CYRIB: variants seen among roughly 807,000 people sequenced by gnomAD.
CYRIB encodes CYFIP related Rac1 interactor B.
Under a neutral mutation model 44.2 loss-of-function variants are expected in CYRIB, and 8 were observed. The ratio of observed to expected loss-of-function variants is 0.18; its 90% CI spans 0.11 to 0.33. CYRIB has a LOEUF of 0.33. Ranked by LOEUF, CYRIB falls within the 10% of genes least tolerant of loss-of-function variation. The pLI is 1.00. For synonymous variants in CYRIB, 131 were observed against 127.2 expected, an observed-to-expected ratio of 1.03 and a Z score of -0.20; for missense variants, 185 against 382.8, an observed-to-expected ratio of 0.48 and a Z score of 4.31.
chr8:129,950,961 A>T (rs1009327835), intron 2 of CYRIB, among the ~76,000 whole-genome samples: 1 of 152,210 alleles, frequency 6.6e-6, no homozygotes, highest in African/African-American at 2.4e-5. Flanking sequence ...CTCACCTCAG[A>T]AATGAAGGGT....
intron 2 of CYRIB, chr8:129,948,694 G>C (rs1392736133): frequency 6.6e-6 from 1 of 152,250 alleles, no homozygotes; most frequent in African/African-American, 2.4e-5. Context: ...AAAACCTATG[G>C]AGAGGTTAGT....
intron 1 of CYRIB, among the ~76,000 whole-genome samples, chr8:130,009,609 A>T (rs1445082217): frequency 6.6e-6 from 1 of 152,128 alleles, no homozygotes; most frequent in Non-Finnish European, 1.5e-5. Context: ...TTAAATTCAG[A>T]TCCCATCTCT....
rs7465504 is a variant in CYRIB at position 129,987,568 on chromosome 8, C to T, written c.-295-16573G>A. ...TTCTTTTTCTTGTCTTTTTTTTTTT[C>T]TTTTTTTTTTTTTTTTTATGAGACT... On this transcript the variant is annotated intron_variant, in intron 1 of 14. Coordinates refer to the CYRIB transcript ENST00000401979. Among the ~76,000 whole-genome samples, 505 of 126,832 alleles carry T rather than the reference C, an allele frequency of 4.0e-3. 1 individual carries two copies. The highest frequency in any genetic ancestry group is 0.011 in the African/African-American group (355 of 31,416). 83.2% of individuals were successfully genotyped at this position (126,832 alleles called of 152,430 possible). A position where few individuals can be genotyped will look rare whatever the true frequency, so the allele number is the denominator to read the frequency against.
intron 2 of CYRIB, among the ~76,000 whole-genome samples, chr8:129,902,543 G>T (rs1336504717): frequency 6.6e-6 from 1 of 152,026 alleles, no homozygotes; most frequent in Non-Finnish European, 1.5e-5. Context: ...TAGAGACAGG[G>T]TCTTGTTCTA....
upstream of CYRIB, among the ~76,000 whole-genome samples, chr8:129,940,103 T>G (rs2093562464): frequency 6.6e-6 from 1 of 151,516 alleles, no homozygotes; most frequent in Admixed American, 6.6e-5. Flanking sequence ...AGCTTCTGAG[T>G]GGGTTGGGGT....
intron 1 of CYRIB, among the ~76,000 whole-genome samples, chr8:130,000,440 A>C (rs7016540): frequency 0.67 from 102,300 of 152,134 alleles, 36,117 homozygotes; most frequent in African/African-American, 0.91. Context: ...CGTCTGTGAT[A>C]CCAGCACTTT....
intron 1 of CYRIB, among the ~76,000 whole-genome samples, chr8:130,016,129 C>T (rs1334789284): frequency 6.7e-6 from 1 of 148,360 alleles, no homozygotes; most frequent in African/African-American, 2.4e-5. Flanking sequence ...CCGCCCCCCG[C>T]GCACTCGAGG....
chr8:129,988,656 C>T (rs2096545188), intron 1 of CYRIB, among the ~76,000 whole-genome samples: 1 of 152,194 alleles, frequency 6.6e-6, no homozygotes, highest in Admixed American at 6.5e-5. Context: ...ACCTCATAAA[C>T]ATAGCTTCTT....
At chr8:130,010,112 A>G (rs1055405397) in intron 1 of CYRIB, among the ~76,000 whole-genome samples, 6 of 152,162 alleles carry the variant, frequency 3.9e-5, no homozygotes, top group Admixed American at 6.5e-5. Context: ...TGGGAGGGGG[A>G]AAAGACAGAA....
chr8:129,889,900 A>C (rs546786214), intron 2 of CYRIB, among the ~76,000 whole-genome samples: 1 of 151,794 alleles, frequency 6.6e-6, no homozygotes, highest in African/African-American at 2.4e-5. Context: ...CAACCTACTG[A>C]GTAGCTGAGA....
intron 1 of CYRIB, among the ~76,000 whole-genome samples, chr8:130,000,096 CAGGGCCCAGCTCAGCA>C (rs1195262795): frequency 6.6e-6 from 1 of 152,186 alleles, no homozygotes; most frequent in Non-Finnish European, 1.5e-5. Flanking sequence ...TTGGTGAGCC[CAGGGCCCAGCTCAGCA>C]AGTAGCTGAG....
chr8:129,972,640 C>T (rs2095751408), intron 1 of CYRIB, among the ~76,000 whole-genome samples: 1 of 152,010 alleles, frequency 6.6e-6, no homozygotes. Flanking sequence ...CTTATGTACA[C>T]ACATAGACTC....
At chr8:129,862,172 G>C (rs2050104873) in intron 5 of CYRIB, 57 bp downstream of exon 7, 2 of 1,272,770 alleles carry the variant, frequency 1.6e-6, no homozygotes, top group Non-Finnish European at 2.3e-6. Flanking sequence ...TAAACTTCTG[G>C]AATGAATAAA....
intron 1 of CYRIB, among the ~76,000 whole-genome samples, chr8:129,979,337 C>T (rs2132584615): frequency 6.6e-6 from 1 of 152,172 alleles, no homozygotes; most frequent in Non-Finnish European, 1.5e-5. Context: ...TACAAACATT[C>T]TCTGGCTTGG....
At chr8:129,863,748 G>C (rs976594521) in intron 4 of CYRIB, among the ~76,000 whole-genome samples, 1 of 152,032 alleles carries the variant, frequency 6.6e-6, no homozygotes, top group African/African-American at 2.4e-5. Flanking sequence ...AATCTTTTCT[G>C]AATAGAGGGT....
intron 1 of CYRIB, among the ~76,000 whole-genome samples, chr8:129,981,710 G>A (rs1564594232): frequency 6.6e-6 from 1 of 152,114 alleles, no homozygotes; most frequent in Admixed American, 6.6e-5. Flanking sequence ...AAAAGAACAC[G>A]CCTGGGGCCT....
At chr8:129,849,037 A>G (rs1198138114) in intron 10 of CYRIB, among the ~76,000 whole-genome samples, 1 of 152,218 alleles carries the variant, frequency 6.6e-6, no homozygotes, top group Non-Finnish European at 1.5e-5. Flanking sequence ...TAGACAATAT[A>G]GTCATCCTTT....
chr8:129,992,419 C>T (rs1173756625), intron 1 of CYRIB, among the ~76,000 whole-genome samples: 2 of 152,216 alleles, frequency 1.3e-5, no homozygotes, highest in African/African-American at 2.4e-5. Context: ...AGAAATGACC[C>T]TACTGCCACC....
chr8:130,009,439 TG>T (rs1248451096), intron 1 of CYRIB, among the ~76,000 whole-genome samples: 2 of 152,076 alleles, frequency 1.3e-5, no homozygotes, highest in Admixed American at 1.3e-4. Flanking sequence ...AGCTAATTTT[TG>T]TATTTTTAGT....
Sources: allele counts gnomAD v4.1 joint callset (sites outside exome capture counted in the v4.1 genomes callset), GRCh38; gene constraint gnomAD v4.1.1; transcripts MANE v1.5; gene names NCBI Gene and HGNC (gene_info 2026-07-23, HGNC 2026-07-21).